Variants in AGBL5 observed in about 807,000 individuals in gnomAD.
AGBL5 encodes cytosolic carboxypeptidase-like protein 5.
In AGBL5, 51 loss-of-function variants were observed where a neutral mutation model predicts 88.0. The ratio of observed to expected loss-of-function variants is 0.58; its 90% CI spans 0.46 to 0.73. The LOEUF is 0.73. Among genes scored for constraint, AGBL5 ranks in the 30% least tolerant of loss-of-function variants. The probability of loss-of-function intolerance (pLI) is 0.00; values close to 1 mark genes in which losing one functional copy is unlikely to be tolerated. For missense variants in AGBL5, 1,031 were observed against 1,162.2 expected (o/e 0.89, Z 1.64); for synonymous variants, 446 against 438.8 (o/e 1.02, Z -0.21).
intron 11 of AGBL5, among the ~76,000 whole-genome samples, chr2:27,060,184 A>G (rs1306742433): frequency 6.6e-6 from 1 of 152,188 alleles, no homozygotes; most frequent in African/African-American, 2.4e-5. Context: ...GAAGGATTCT[A>G]ACTCTTCCAA....
intron 13 of AGBL5, chr2:27,068,993 G>C (rs1669135559): frequency 6.9e-7 from 1 of 1,449,510 alleles, no homozygotes; most frequent in Non-Finnish European, 9.2e-7. Context: ...ACCTTAGCCT[G>C]CTAGCTTTGG....
intron 11 of AGBL5, 95 bp downstream of exon 11, chr2:27,059,499 C>T (rs1250555503): frequency 6.4e-7 from 1 of 1,569,808 alleles, no homozygotes; most frequent in Middle Eastern, 1.7e-4. Context: ...TGGCCCAGGA[C>T]CAAGGGGTGA....
chr2:27,056,231 A>G, intron 7 of AGBL5, 93 bp downstream of exon 7: 1 of 1,396,196 alleles, frequency 7.2e-7, no homozygotes, highest in Non-Finnish European at 9.7e-7. Context: ...AGCCTTAGGT[A>G]GCTTTCTGGA....
At chr2:27,051,264 G>A (rs755430699), upstream of AGBL5, among the ~76,000 whole-genome samples, 16 of 152,198 alleles carry the variant, frequency 1.1e-4, no homozygotes, top group African/African-American at 1.7e-4. Context: ...GAGAGGTAGC[G>A]GGATCGATGC....
In AGBL5 at chr2:27,056,032, T is replaced by TC. The variant is rs747733044; in HGVS notation, c.1266dup (p.Lys423GlnfsTer28). 4.3e-6 allele frequency: 7 copies of TC among 1,613,624 alleles called. No individual in the cohort carries two copies. The highest frequency in any genetic ancestry group is 2.2e-5 in the East Asian group (1 of 44,884). On this transcript the variant is annotated frameshift_variant, in exon 7 of 15. Coordinates refer to ENST00000360131, the MANE Select transcript of AGBL5 (RefSeq NM_021831.6). LOFTEE classifies it high-confidence loss of function. ...CTTGAAGAGTCAGCCCCTGATACCA[T>TC]CCCCCCCAAAGAGAGTGGCGTTGCT...
chr2:27,066,069 G>C (rs1668971832), intron 11 of AGBL5, among the ~76,000 whole-genome samples: 1 of 152,024 alleles, frequency 6.6e-6, no homozygotes, highest in South Asian at 2.1e-4. Context: ...GACCACCCTG[G>C]GCAACATGGT....
intron 6 of AGBL5, 90 bp downstream of exon 6, chr2:27,055,343 T>G: frequency 6.7e-7 from 1 of 1,501,164 alleles, no homozygotes; most frequent in South Asian, 1.2e-5. Context: ...CTGGCTTCTG[T>G]GTTCCCAGTC....
chr2:27,066,640 C>T (rs1220544949), intron 11 of AGBL5, among the ~76,000 whole-genome samples: 1 of 152,086 alleles, frequency 6.6e-6, no homozygotes, highest in Non-Finnish European at 1.5e-5. Context: ...AGCTCAGTAA[C>T]TTCTTTGCCA....
chr2:27,065,630 G>T (rs183144217), intron 11 of AGBL5, among the ~76,000 whole-genome samples: 1 of 152,196 alleles, frequency 6.6e-6, no homozygotes, highest in Non-Finnish European at 1.5e-5. Context: ...GTGCCTTTAA[G>T]TACTTTACAC....
upstream of AGBL5, among the ~76,000 whole-genome samples, chr2:27,051,252 G>A (rs753434317): frequency 2.6e-5 from 4 of 152,212 alleles, no homozygotes; most frequent in African/African-American, 7.2e-5. Flanking sequence ...CGCTTAGCAT[G>A]CGAGAGGTAG....
Position 27,055,795 on chromosome 2 carries a change from G to A in AGBL5, c.1022G>A (p.Arg341His), listed in dbSNP as rs1418878791. 1 of 1,614,100 alleles carries A rather than the reference G, an allele frequency of 6.2e-7. No individual in the cohort carries two copies. The highest frequency in any genetic ancestry group is 8.5e-7 in the Non-Finnish European group (1 of 1,180,018). ...AVLLYHHVHSRLNSQSSSEHQ... is the reference protein window; with the variant it reads ...AVLLYHHVHSHLNSQSSSEHQ... ...CTTCTCTACCACCATGTGCACTCTC[G>A]TCTGAACTCCCAGAGTTCCTCTGAG... Residue 341 changes from arginine to histidine, a missense_variant, in exon 7 of 15, where the codon CGT (arginine) becomes CAT (histidine). Arg to His is a conservative substitution (Grantham distance 29). Around this residue, in one of 2 missense-constraint regions of AGBL5, gnomAD observed 540 missense variants for 678.2 expected, o/e 0.80. Transcript: ENST00000360131.
At chr2:27,059,444 G>T (rs1460731815) in intron 11 of AGBL5, 40 bp downstream of exon 11, 6 of 1,610,924 alleles carry the variant, frequency 3.7e-6, no homozygotes, top group African/African-American at 1.3e-5. Context: ...GTGTTCGGTT[G>T]TCTGGGGCAT....
chr2:27,055,322 C>T, intron 6 of AGBL5, 69 bp downstream of exon 6: 1 of 1,557,040 alleles, frequency 6.4e-7, no homozygotes, highest in South Asian at 1.2e-5. Context: ...CAGTGAAATT[C>T]TGTCAGCCTT....
Position 27,069,658 on chromosome 2 carries a change from C to A in AGBL5, c.2441C>A (p.Thr814Asn), listed in dbSNP as rs1289466536. The A allele has an allele frequency of 4.3e-6, 7 of 1,614,008 alleles. No homozygotes were observed. In the Admixed American group the frequency reaches 1.0e-4, roughly 23 times the overall value. ...SSGPTSPTPR[T>N]RESSELELGS... The stretch of plus-strand genomic sequence containing the variant: ...GGCCCCACATCCCCTACCCCCCGGA[C>A]CAGGGAGAGCAGTGAGCTGGAGCTG... Residue 814 changes from threonine (T) to asparagine (N), a missense_variant, in exon 14 of 15, where the codon ACC becomes AAC. Coordinates refer to ENST00000360131, the MANE Select transcript of AGBL5 (RefSeq NM_021831.6).
At chr2:27,052,057 C>T (rs1026808995) in intron 1 of AGBL5, 2 of 152,450 alleles carry the variant, frequency 1.3e-5, no homozygotes, top group African/African-American at 2.4e-5. Flanking sequence ...AGGGCAAGCC[C>T]GCTCGGTGTG....
At chr2:27,066,501 GAGTA>G (rs936909848) in intron 11 of AGBL5, among the ~76,000 whole-genome samples, 7 of 152,186 alleles carry the variant, frequency 4.6e-5, no homozygotes, top group African/African-American at 1.7e-4. Flanking sequence ...GGGAGTTTAA[GAGTA>G]AGTAGAGCAG....
intron 11 of AGBL5, among the ~76,000 whole-genome samples, chr2:27,064,549 G>A (rs1482984379): frequency 6.6e-6 from 1 of 151,790 alleles, no homozygotes; most frequent in Non-Finnish European, 1.5e-5. Flanking sequence ...TGATCCAGCC[G>A]CCTCAGCCTC....
rs949867119 is a variant in AGBL5, at chr2:27,070,289, A to C, written c.*26A>C. 11 of 1,608,542 alleles carry C rather than the reference A, an allele frequency of 6.8e-6. No homozygotes were observed. In the East Asian group the frequency reaches 2.5e-4, roughly 36 times the overall value. ...TAATGCCTTTATGTTCAAGCCCAGG[A>C]TATAGCCCCAAGATGGGGTAACAGT... On this transcript the variant is annotated 3_prime_UTR_variant, in exon 15 of 15. Transcript: ENST00000360131.
chr2:27,059,663 G>A (rs1345813899), intron 11 of AGBL5: 2 of 713,960 alleles, frequency 2.8e-6, no homozygotes, highest in East Asian at 2.8e-5. Context: ...AAGTTTCCAA[G>A]GATGAAACAC....
Sources: allele counts gnomAD v4.1 joint callset (sites outside exome capture counted in the v4.1 genomes callset), GRCh38; gene constraint gnomAD v4.1.1; regional missense constraint gnomAD v4.1.1; transcripts MANE v1.5; gene names NCBI Gene and HGNC (gene_info 2026-07-23, HGNC 2026-07-21).